XXYLT1: variants seen among roughly 807,000 people sequenced by gnomAD.
XXYLT1 encodes the protein UDP-xylose:alpha-xyloside alpha-1,3-xylosyltransferase.
A neutral mutation model predicts 28.9 loss-of-function variants in XXYLT1; 20 were observed. The ratio of observed to expected loss-of-function variants is 0.69; its 90% CI spans 0.49 to 1.00. The LOEUF is 1.00. Among genes scored for constraint, XXYLT1 ranks in the 50% least tolerant of loss-of-function variants. The pLI is 0.00. For synonymous variants in XXYLT1, 257 were observed against 253.8 expected (o/e 1.01, Z -0.12); for missense variants, 542 against 560.1 (o/e 0.97, Z 0.33).
intron 3 of XXYLT1, among the ~76,000 whole-genome samples, chr3:195,134,077 G>T (rs1413230158): frequency 6.6e-6 from 1 of 152,052 alleles, no homozygotes; most frequent in East Asian, 1.9e-4. Context: ...CAGAAAGAAA[G>T]AAAGAAATTT....
chr3:195,172,638 C>T (rs1721467286), intron 2 of XXYLT1, among the ~76,000 whole-genome samples: 1 of 152,204 alleles, frequency 6.6e-6, no homozygotes, highest in Non-Finnish European at 1.5e-5. Flanking sequence ...ACTCCTGTAA[C>T]TTACAGAGTA....
In XXYLT1 at chr3:195,270,636, G is replaced by T. The variant is rs1456821773; in HGVS notation, c.423C>A (p.Phe141Leu). 1 of 1,551,166 alleles carries T rather than the reference G, an allele frequency of 6.4e-7. No individual in the cohort carries two copies. The highest frequency in any genetic ancestry group is 1.2e-5 in the South Asian group (1 of 86,252). The change falls in exon 1 of 4, where the codon TTC (phenylalanine) becomes TTA (leucine). Residue 141 changes from phenylalanine (F) to leucine (L), a missense_variant. By Grantham distance (22) the Phe-to-Leu change is conservative. Transcript: ENST00000310380. ...FEAHEVLNLH[F>L]VSEEASREVA... ...CCTCGCGGCTGGCCTCCTCGCTCAC[G>T]AAGTGAAGGTTAAGCACCTCGTGCG...
chr3:195,231,233 T>C (rs926964987), intron 1 of XXYLT1, among the ~76,000 whole-genome samples: 1 of 152,218 alleles, frequency 6.6e-6, no homozygotes, highest in African/African-American at 2.4e-5. Context: ...TTCTGCAACT[T>C]TACTAAATGT....
At chr3:195,193,582 A>G (rs774565365) in intron 2 of XXYLT1, among the ~76,000 whole-genome samples, 20 of 152,188 alleles carry the variant, frequency 1.3e-4, no homozygotes, top group Admixed American at 2.6e-4. Context: ...AAAAAAGCCA[A>G]AACAATTTTG....
Position 195,173,726 on chromosome 3 carries a change from C to CT in XXYLT1, c.653-17146dup, listed in dbSNP as rs1187502869. ...TGAAAGGCATCGTGGATAAAGTGAACTTCACTTTAGAAAGCAGAAGGAGCT... is the reference window on the plus strand; with the variant it reads ...TGAAAGGCATCGTGGATAAAGTGAACTTTCACTTTAGAAAGCAGAAGGAGCT... On this transcript the variant is annotated intron_variant, in intron 2 of 3. Transcript: ENST00000310380. This position sits in a 1 kb window ranked among gnomAD's most constrained non-coding sequence, Gnocchi z 4.3. Among the ~76,000 whole-genome samples, 1 of 152,194 alleles carries CT rather than the reference C, an allele frequency of 6.6e-6. No homozygotes were observed. The highest frequency in any genetic ancestry group is 1.9e-4 in the East Asian group (1 of 5,198).
intron 3 of XXYLT1, among the ~76,000 whole-genome samples, chr3:195,134,780 C>T (rs1438799823): frequency 1.2e-4 from 18 of 152,046 alleles, no homozygotes; most frequent in Admixed American, 1.2e-3. Context: ...AGAGGAAACG[C>T]TTTCCATCCG....
chr3:195,193,302 G>T (rs529003282), intron 2 of XXYLT1, among the ~76,000 whole-genome samples: 58 of 144,036 alleles, frequency 4.0e-4, no homozygotes, highest in African/African-American at 1.5e-3. Flanking sequence ...AAAAAAAAAA[G>T]CCATTCCTAA....
chr3:195,102,029 AAG>A (rs1716815546), intron 3 of XXYLT1, among the ~76,000 whole-genome samples: 3 of 134,540 alleles, frequency 2.2e-5, no homozygotes, highest in Admixed American at 7.4e-5. Flanking sequence ...GAAAAAAAGG[AAG>A]AGAGAAAGAG....
chr3:195,104,351 T>C (rs1454675033), intron 3 of XXYLT1, among the ~76,000 whole-genome samples: 1 of 151,858 alleles, frequency 6.6e-6, no homozygotes, highest in African/African-American at 2.4e-5. Flanking sequence ...GCAGAGGAGA[T>C]GGTTCTGAGT....
At chr3:195,262,719 C>G (rs1465077702) in intron 1 of XXYLT1, among the ~76,000 whole-genome samples, 2 of 152,194 alleles carry the variant, frequency 1.3e-5, no homozygotes, top group Non-Finnish European at 2.9e-5. Flanking sequence ...CGGGCTTCTC[C>G]AGAGTTTATT....
At chr3:195,130,965 A>T (rs779562761) in intron 3 of XXYLT1, among the ~76,000 whole-genome samples, 1 of 152,190 alleles carries the variant, frequency 6.6e-6, no homozygotes, top group Non-Finnish European at 1.5e-5. Flanking sequence ...GGGTCTGCTT[A>T]GCCTGAGACC....
At chr3:195,190,020 G>A (rs1378733641) in intron 2 of XXYLT1, among the ~76,000 whole-genome samples, 2 of 152,050 alleles carry the variant, frequency 1.3e-5, no homozygotes, top group East Asian at 3.8e-4. Flanking sequence ...CTTCTCATTA[G>A]AAACAATGGA....
chr3:195,172,848 T>C (rs143479397), intron 2 of XXYLT1, among the ~76,000 whole-genome samples: 1 of 152,202 alleles, frequency 6.6e-6, no homozygotes, highest in African/African-American at 2.4e-5. Flanking sequence ...GAGTCACTAG[T>C]GAAAAATCAA....
intron 3 of XXYLT1, among the ~76,000 whole-genome samples, chr3:195,146,431 G>A (rs12633903): frequency 0.034 from 5,186 of 152,326 alleles, 167 homozygotes; most frequent in East Asian, 0.15. Flanking sequence ...CCCATCATCC[G>A]CCGCTGTGCC....
chr3:195,199,198 A>C (rs1374740733), intron 2 of XXYLT1, among the ~76,000 whole-genome samples: 7 of 152,140 alleles, frequency 4.6e-5, no homozygotes. Context: ...GTCCAGACCC[A>C]ACAAGCTCAG....
intron 2 of XXYLT1, among the ~76,000 whole-genome samples, chr3:195,171,928 T>G (rs1938801963): frequency 6.6e-6 from 1 of 152,242 alleles, no homozygotes; most frequent in Admixed American, 6.5e-5. Flanking sequence ...ATTTGAACAA[T>G]CTTAAAAGAA....
At position 195,210,158 on chromosome 3, in the gene XXYLT1, T is replaced by C. The variant is rs1467595091; in HGVS notation, c.652+16551A>G. Among the ~76,000 whole-genome samples the C allele has an allele frequency of 6.6e-6, 1 of 152,058 alleles. No individual in the cohort carries two copies. Among genetic ancestry groups the C allele is most frequent in the East Asian group, 1.9e-4 (1 of 5,192 alleles). On this transcript the variant is annotated intron_variant, in intron 2 of 3. Transcript: ENST00000310380. The surrounding 1 kb of genome is among the most constrained non-coding windows in gnomAD (Gnocchi z 4.8). ...ACCCCAAGCCTTCAAGGCTAACCTC[T>C]CCTCATCCTCCTCAAAGCTTCCTCT...
intron 3 of XXYLT1, 79 bp from the exon 4 acceptor site, chr3:195,070,190 C>T: frequency 6.7e-7 from 1 of 1,483,272 alleles, no homozygotes; most frequent in Non-Finnish European, 8.9e-7. Context: ...TCTTCACAGC[C>T]AGCCTGCATG....
intron 1 of XXYLT1, among the ~76,000 whole-genome samples, chr3:195,230,591 T>C (rs535446188): frequency 6.6e-6 from 1 of 152,350 alleles, no homozygotes; most frequent in Non-Finnish European, 1.5e-5. Flanking sequence ...TGCATTCTTC[T>C]GCATAAGGTT....
Sources: gnomAD v4.1 joint callset for allele counts (sites outside exome capture counted in the v4.1 genomes callset) on GRCh38, gnomAD v4.1.1 for gene constraint, Gnocchi (gnomAD v3.1) non-coding constraint, MANE v1.5 for transcripts, NCBI Gene and HGNC (gene_info 2026-07-23, HGNC 2026-07-21) for gene names.